C2CD3: variants seen among roughly 807,000 people sequenced by gnomAD.
C2CD3 encodes C2 domain containing 3 centriole elongation regulator, also known as C2 domain-containing protein 3.
A neutral mutation model predicts 234.0 loss-of-function variants in C2CD3; 148 were observed. The observed-to-expected ratio is 0.63, with a 90% CI of 0.55 to 0.72. C2CD3 has a LOEUF of 0.72. Ranked by LOEUF, C2CD3 falls within the 30% of genes least tolerant of loss-of-function variation. C2CD3 has a pLI of 0.00. For synonymous variants in C2CD3, 1,000 were observed against 1,035.4 expected (o/e 0.97, Z 0.66); for missense variants, 2,577 against 2,811.5 (o/e 0.92, Z 1.89).
chr11:74,080,608 AC>A (rs1955304558), intron 22 of C2CD3, among the ~76,000 whole-genome samples: 1 of 152,220 alleles, frequency 6.6e-6, no homozygotes, highest in Non-Finnish European at 1.5e-5. Context: ...GTAGGAAAAA[AC>A]AAAATAGAGT....
chr11:74,099,290 T>G (rs1956223427), intron 15 of C2CD3, among the ~76,000 whole-genome samples: 1 of 152,180 alleles, frequency 6.6e-6, no homozygotes, highest in African/African-American at 2.4e-5. Context: ...GTATTTTCTC[T>G]CTAGATCTTC....
At chr11:74,082,845 T>C (rs971726820) in intron 22 of C2CD3, among the ~76,000 whole-genome samples, 1 of 152,132 alleles carries the variant, frequency 6.6e-6, no homozygotes, top group African/African-American at 2.4e-5. Context: ...AGAATCAATA[T>C]TGTGAAAATG....
At chr11:74,133,052 G>T in intron 6 of C2CD3, 80 bp from the exon 7 acceptor site, 1 of 1,371,752 alleles carries the variant, frequency 7.3e-7, no homozygotes, top group Non-Finnish European at 1.0e-6. Flanking sequence ...CGTACATGCA[G>T]CTGGTCTGAC....
Position 74,160,813 on chromosome 11 carries a change from T to C in C2CD3, c.483+586A>G, listed in dbSNP as rs1052799227. Among the ~76,000 whole-genome samples the C allele has an allele frequency of 3.9e-5, 6 of 152,350 alleles. No individual in the cohort carries two copies. In the East Asian group the frequency reaches 5.8e-4, roughly 15 times the overall value. On this transcript the variant is annotated intron_variant, in intron 3 of 32. Coordinates refer to ENST00000334126, the MANE Select transcript of C2CD3 (RefSeq NM_001286577.2). ...ATGCTAATTACCCTGATTTGATCCT[T>C]ACACAATGTATATATGTATCTAAAC...
At chr11:74,147,088 A>T (rs1590936576) in intron 3 of C2CD3, among the ~76,000 whole-genome samples, 1 of 146,062 alleles carries the variant, frequency 6.8e-6, no homozygotes, top group African/African-American at 2.5e-5. Context: ...AAAATGAAAT[A>T]AAAAAAATTC....
chr11:74,015,044 T>C (rs901071021), intron 32 of C2CD3, among the ~76,000 whole-genome samples: 7 of 152,252 alleles, frequency 4.6e-5, no homozygotes, highest in Admixed American at 1.3e-4. Context: ...TGCTGGTGTT[T>C]GCAGTTCTTC....
chr11:74,050,492 C>G (rs1297311357), intron 26 of C2CD3, among the ~76,000 whole-genome samples: 1 of 152,236 alleles, frequency 6.6e-6, no homozygotes, highest in Non-Finnish European at 1.5e-5. Context: ...TGGGGACACA[C>G]AGGTCTCTGT....
intron 11 of C2CD3, among the ~76,000 whole-genome samples, chr11:74,111,356 T>C (rs1956736474): frequency 6.6e-6 from 1 of 151,980 alleles, no homozygotes; most frequent in Non-Finnish European, 1.5e-5. Flanking sequence ...GATGCCAGAG[T>C]GGAAAATACC....
In C2CD3 at chr11:74,113,805, G is replaced by A. The variant is rs199675130; in HGVS notation, c.1818C>T (p.Leu606=). The change falls in exon 11 of 33, where the codon CTC becomes CTT. Residue 606 remains leucine (L), a synonymous_variant. Transcript: ENST00000334126. ...TTCCATCTGTAATTTTACTGGAGGCGAGTCGAACAACCTCAGTGATCAAAG... is the reference window on the plus strand; with the variant it reads ...TTCCATCTGTAATTTTACTGGAGGCAAGTCGAACAACCTCAGTGATCAAAG... ...KTALITEVVR[L]ASSKITDGKV... 67 of 1,610,362 alleles carry A rather than the reference G, an allele frequency of 4.2e-5. 1 individual carries two copies. In the South Asian group the frequency reaches 5.7e-4, roughly 14 times the overall value.
chr11:74,039,290 C>G (rs141267079), intron 29 of C2CD3, among the ~76,000 whole-genome samples: 22 of 152,336 alleles, frequency 1.4e-4, no homozygotes, highest in Admixed American at 6.5e-4. Context: ...TTTATTAATA[C>G]TTGCTCTGCA....
intron 3 of C2CD3, among the ~76,000 whole-genome samples, chr11:74,153,590 C>T (rs1381864326): frequency 1.3e-5 from 2 of 152,070 alleles, no homozygotes; most frequent in Non-Finnish European, 2.9e-5. Flanking sequence ...GATTGGAAGA[C>T]TCAATATTGC....
intron 32 of C2CD3, among the ~76,000 whole-genome samples, chr11:74,019,683 A>ATTTC (rs1555003687): frequency 1.0e-4 from 15 of 148,790 alleles, no homozygotes; most frequent in African/African-American, 3.7e-4. Context: ...CAAAGGATAG[A>ATTTC]TTTTTTTTTT....
intron 32 of C2CD3, among the ~76,000 whole-genome samples, chr11:74,017,411 G>A (rs1346415632): frequency 6.6e-6 from 1 of 152,190 alleles, no homozygotes; most frequent in African/African-American, 2.4e-5. Context: ...GGACACCCAG[G>A]TCATGAACAT....
At chr11:74,138,297 C>T (rs1957933642) in intron 5 of C2CD3, among the ~76,000 whole-genome samples, 1 of 152,208 alleles carries the variant, frequency 6.6e-6, no homozygotes. Context: ...CAGCTGTGTA[C>T]TGAACGTTCT....
chr11:74,117,540 G>A (rs1957066587), intron 9 of C2CD3, among the ~76,000 whole-genome samples: 1 of 151,658 alleles, frequency 6.6e-6, no homozygotes, highest in Non-Finnish European at 1.5e-5. Flanking sequence ...GCAAAGCTAT[G>A]AGGATGCAAA....
At position 74,098,067 on chromosome 11, in the gene C2CD3, G is replaced by C; in HGVS notation, c.2921C>G (p.Pro974Arg). ...RLKNEEGTLP[P>R]FSPRPAHFLD... Reference sequence around the variant, plus strand: ...GAAATGGGCTGGCCTAGGGCTGAAGGGAGGGAGTGTTCCTTCTTCATTCTT... The same window carrying C: ...GAAATGGGCTGGCCTAGGGCTGAAGCGAGGGAGTGTTCCTTCTTCATTCTT... Residue 974 changes from proline (P) to arginine (R), a missense_variant, in exon 16 of 33, where the codon CCC becomes CGC. Transcript: ENST00000334126. The C allele has an allele frequency of 6.2e-7, 1 of 1,613,832 alleles. No homozygotes were observed. Among genetic ancestry groups the C allele is most frequent in the Non-Finnish European group, 8.5e-7 (1 of 1,179,710 alleles).
In C2CD3 at chr11:74,095,533, A is replaced by G; in HGVS notation, c.2980-125T>C. On this transcript the variant is annotated intron_variant, in intron 16 of 32. Transcript: ENST00000334126. ...ATAATTAGTTGATACTAAAATAGAC[A>G]CTTAATTTTCATTGTAACTCTCACA... 4.7e-6 allele frequency: 3 copies of G among 639,310 alleles called. No homozygotes were observed. The Admixed American group carries it at 9.8e-5, about 21-fold the overall frequency. The allele number at this position is 639,310 out of a possible 1,614,324, so 39.6% of individuals were successfully genotyped here.
intron 3 of C2CD3, 48 bp from the exon 4 acceptor site, chr11:74,139,876 A>G (rs1957990951): frequency 1.8e-6 from 2 of 1,126,990 alleles, no homozygotes; most frequent in East Asian, 4.7e-5. Flanking sequence ...GCATTGATTA[A>G]CTAATTTTAA....
chr11:74,161,355 A>C (rs774769016), intron 3 of C2CD3, 44 bp downstream of exon 3: 2 of 1,321,114 alleles, frequency 1.5e-6, no homozygotes, highest in Admixed American at 2.3e-5. Context: ...ATTTCTGCCC[A>C]AAAAGTTTAT....
Sources: gnomAD v4.1 joint callset for allele counts (sites outside exome capture counted in the v4.1 genomes callset) on GRCh38, gnomAD v4.1.1 for gene constraint, MANE v1.5 for transcripts, NCBI Gene and HGNC (gene_info 2026-07-23, HGNC 2026-07-21) for gene names.